CCND3: variants seen among roughly 807,000 people sequenced by gnomAD.
The protein encoded by CCND3 is G1/S-specific cyclin-D3.
A neutral mutation model predicts 28.7 loss-of-function variants in CCND3; 9 were observed. The observed-to-expected ratio is 0.31, with a 90% confidence interval of 0.19 to 0.55. The LOEUF is 0.55. Among genes scored for constraint, CCND3 ranks in the 20% least tolerant of loss-of-function variants. CCND3 has a pLI of 0.93. For missense variants in CCND3, 315 were observed against 385.8 expected, an observed-to-expected ratio of 0.82 and a Z score of 1.54; for synonymous variants, 164 against 163.9, an observed-to-expected ratio of 1.00 and a Z score of 0.00.
intron 1 of CCND3, among the ~76,000 whole-genome samples, chr6:42,021,085 C>T (rs762341718): frequency 3.9e-4 from 60 of 152,072 alleles, no homozygotes; most frequent in Admixed American, 7.2e-4. Flanking sequence ...AGTTACCCAT[C>T]GTGCAGTACA....
chr6:41,947,391 C>A (rs1161657480), intron 1 of CCND3, among the ~76,000 whole-genome samples: 2 of 152,064 alleles, frequency 1.3e-5, no homozygotes, highest in East Asian at 3.9e-4. Flanking sequence ...GTCCGATAGG[C>A]CAGTTAAACT....
chr6:42,049,061 AGT>A (rs1431790138), upstream of CCND3: 1 of 166,762 alleles, frequency 6.0e-6, no homozygotes, highest in Non-Finnish European at 1.3e-5. Context: ...TTTGAGATGG[AGT>A]CTCCCTCTGT....
intron 1 of CCND3, among the ~76,000 whole-genome samples, chr6:41,964,475 AGTGTGTGTGAAT>A (rs1470943535): frequency 2.9e-4 from 31 of 108,154 alleles, no homozygotes; most frequent in African/African-American, 1.3e-3. Context: ...TGTGTGTGTG[AGTGTGTGTGAAT>A]GTGTGTGTGT....
intron 1 of CCND3, among the ~76,000 whole-genome samples, chr6:41,949,960 A>G (rs1776263134): frequency 6.7e-6 from 1 of 150,206 alleles, no homozygotes; most frequent in South Asian, 2.1e-4. Flanking sequence ...AAAAATAGCC[A>G]GGTGTGGTGG....
chr6:41,972,227 CAAAAA>C (rs56250051), intron 1 of CCND3, among the ~76,000 whole-genome samples: 1 of 113,040 alleles, frequency 8.8e-6, no homozygotes, highest in African/African-American at 3.4e-5. Context: ...GACTCCATCT[CAAAAA>C]AAAAAAAAAA....
intron 1 of CCND3, among the ~76,000 whole-genome samples, chr6:42,015,793 AAT>A (rs999219779): frequency 9.2e-5 from 14 of 152,010 alleles, no homozygotes; most frequent in African/African-American, 2.9e-4. Context: ...GATATTTTGA[AAT>A]ATATATATAT....
intron 1 of CCND3, among the ~76,000 whole-genome samples, chr6:41,995,561 A>G (rs1762777148): frequency 6.6e-6 from 1 of 152,132 alleles, no homozygotes; most frequent in South Asian, 2.1e-4. Flanking sequence ...TGCCCAAAGT[A>G]TTTCTAATAA....
chr6:41,944,260 C>T (rs1459261040), upstream of CCND3, among the ~76,000 whole-genome samples: 1 of 152,084 alleles, frequency 6.6e-6, no homozygotes, highest in Non-Finnish European at 1.5e-5. Context: ...TCGCTTGAGC[C>T]CAGGAGTTCA....
chr6:42,043,561 G>A (rs982021068), intron 1 of CCND3, among the ~76,000 whole-genome samples: 3 of 152,090 alleles, frequency 2.0e-5, no homozygotes, highest in Non-Finnish European at 4.4e-5. Context: ...GCTGAGCATG[G>A]TGGCGCCACG....
intron 1 of CCND3, among the ~76,000 whole-genome samples, chr6:42,017,562 A>C (rs1244592429): frequency 6.6e-6 from 1 of 152,204 alleles, no homozygotes; most frequent in Non-Finnish European, 1.5e-5. Flanking sequence ...ATCCAGCACA[A>C]GATCCACTAC....
intron 1 of CCND3, among the ~76,000 whole-genome samples, chr6:42,023,666 C>T (rs778899702): frequency 6.6e-6 from 1 of 151,682 alleles, no homozygotes; most frequent in Non-Finnish European, 1.5e-5. Flanking sequence ...CTTTGGGTAC[C>T]TGTGAATGCC....
rs747763670 is a variant in CCND3, at chr6:41,936,607, G to A, written c.663C>T (p.Ser221=). Residue 221 remains serine (S), a synonymous_variant, in exon 4 of 5, where the codon TCC becomes TCT. Transcript: ENST00000372991. The surrounding 1 kb of genome is among the most constrained non-coding windows in gnomAD (Gnocchi z 4.4). Reference sequence around the variant, plus strand: ...CCAGCAGCTCTGTGAGCTCATCCCCGGACATGGAGCAGGCACCCAGGCCTT... The same window carrying A: ...CCAGCAGCTCTGTGAGCTCATCCCCAGACATGGAGCAGGCACCCAGGCCTT... ...AVQGLGACSM[S]GDELTELLAG... is the part of the protein sequence containing the mutation. 80 of 1,614,042 alleles carry A rather than the reference G, an allele frequency of 5.0e-5. No individual in the cohort carries two copies. Among genetic ancestry groups the A allele is most frequent in the Middle Eastern group, 4.9e-4 (3 of 6,084 alleles).
At chr6:41,955,960 T>C (rs1430033556) in intron 1 of CCND3, among the ~76,000 whole-genome samples, 1 of 152,014 alleles carries the variant, frequency 6.6e-6, no homozygotes, top group Non-Finnish European at 1.5e-5. Flanking sequence ...AAAATTCAAC[T>C]TGAGAAAGCT....
chr6:41,989,159 A>G (rs902774291), intron 1 of CCND3, among the ~76,000 whole-genome samples: 2 of 152,086 alleles, frequency 1.3e-5, no homozygotes, highest in African/African-American at 4.8e-5. Flanking sequence ...TAAAATCTCA[A>G]CAATAAGAAA....
In CCND3 at chr6:41,936,234, G is replaced by A. The variant is rs1031472507; in HGVS notation, c.712-127C>T. 9 of 1,046,268 alleles carry A rather than the reference G, an allele frequency of 8.6e-6. No individual in the cohort carries two copies. The highest frequency in any genetic ancestry group is 8.0e-5 in the Admixed American group (3 of 37,610). 64.8% of individuals were successfully genotyped at this position (1,046,268 alleles called of 1,614,324 possible). ...AGGTTAGGCCACAGCCCGGCCCCAG[G>A]AATCGCTCTTTAGTTCTCAGAAACT... On this transcript the variant is annotated intron_variant, in intron 4 of 4. Coordinates refer to ENST00000372991, the MANE Select transcript of CCND3 (RefSeq NM_001760.5). The surrounding 1 kb of genome is among the most constrained non-coding windows in gnomAD (Gnocchi z 4.4).
intron 1 of CCND3, among the ~76,000 whole-genome samples, chr6:42,043,265 C>T (rs1480835336): frequency 2.0e-5 from 3 of 152,206 alleles, no homozygotes; most frequent in Admixed American, 6.5e-5. Context: ...ATGCTGGGCG[C>T]GGTGGCTTAC....
chr6:41,946,051 C>T (rs535257309), upstream of CCND3, among the ~76,000 whole-genome samples: 2 of 152,100 alleles, frequency 1.3e-5, no homozygotes, highest in South Asian at 2.1e-4. Flanking sequence ...CATGGTCTAG[C>T]GTATGGAGAG....
intron 1 of CCND3, among the ~76,000 whole-genome samples, chr6:42,045,215 T>A (rs1450748763): frequency 6.6e-6 from 1 of 152,162 alleles, no homozygotes; most frequent in Non-Finnish European, 1.5e-5. Context: ...CCTCCCTGTC[T>A]CAGTGTTTGA....
intron 1 of CCND3, among the ~76,000 whole-genome samples, chr6:42,037,939 G>C (rs894869145): frequency 5.3e-5 from 8 of 151,012 alleles, no homozygotes; most frequent in Admixed American, 3.3e-4. Context: ...GCTGAGGCAC[G>C]AGAATCGCTT....
Sources: gnomAD v4.1 joint callset for allele counts (sites outside exome capture counted in the v4.1 genomes callset) on GRCh38, gnomAD v4.1.1 for gene constraint, Gnocchi (gnomAD v3.1) non-coding constraint, MANE v1.5 for transcripts, NCBI Gene and HGNC (gene_info 2026-07-23, HGNC 2026-07-21) for gene names.